The following GLIS3 variants were observed in gnomAD, a reference collection of about 807,000 sequenced individuals.
GLIS3 encodes zinc finger protein GLIS3.
GLIS3 carries 53 observed loss-of-function variants against 78.6 expected under a neutral mutation model. The ratio of observed to expected loss-of-function variants is 0.67; its 90% CI spans 0.54 to 0.85. GLIS3 has a LOEUF of 0.85. GLIS3 is among the 40% of genes least tolerant of loss of function. The pLI is 0.00. For synonymous variants in GLIS3, 684 were observed against 509.9 expected (o/e 1.34, Z -4.60); for missense variants, 1,703 against 1,231.1 (o/e 1.38, Z -5.74).
intron 2 of GLIS3, among the ~76,000 whole-genome samples, chr9:4,221,596 C>T (rs1448114896): frequency 6.6e-6 from 1 of 151,794 alleles, no homozygotes; most frequent in Admixed American, 6.6e-5. Flanking sequence ...TTTCAAGTCC[C>T]CCCTTTAATA....
chr9:4,061,220 C>A (rs149134321), intron 4 of GLIS3, among the ~76,000 whole-genome samples: 256 of 131,498 alleles, frequency 1.9e-3, no homozygotes, highest in Middle Eastern at 4.4e-3. Flanking sequence ...CCCCCCTCCC[C>A]CCACCCCATG....
At chr9:4,344,034 T>C (rs1817871161) in intron 2 of GLIS3, among the ~76,000 whole-genome samples, 2 of 152,188 alleles carry the variant, frequency 1.3e-5, no homozygotes, top group South Asian at 2.1e-4. Context: ...TTGACTCATA[T>C]AACAAACCTG....
Position 4,171,231 on chromosome 9 carries a change from A to G in GLIS3, c.389-45290T>C, listed in dbSNP as rs577303499. 1.8e-4 allele frequency among the ~76,000 whole-genome samples: 28 copies of G among 152,338 alleles called. 1 individual carries two copies. The South Asian group carries it at 5.4e-3, about 29-fold the overall frequency. ...TATACATATAAGTACACTCTTCACC[A>G]TAACAGTATAAAGATAAAAGGTTCT... On this transcript the variant is annotated intron_variant, in intron 2 of 10. Transcript: ENST00000381971.
chr9:4,362,765 C>G, the GLIS3 span, among the ~76,000 whole-genome samples: 1 of 152,186 alleles, frequency 6.6e-6, no homozygotes, highest in Non-Finnish European at 1.5e-5. Flanking sequence ...TGCATCATTT[C>G]ATTCCACAAA....
the GLIS3 span, among the ~76,000 whole-genome samples, chr9:4,440,321 T>C: frequency 6.6e-6 from 1 of 152,242 alleles, no homozygotes; most frequent in Non-Finnish European, 1.5e-5. Context: ...TTTCATCATT[T>C]GGGGTCTTAG....
intron 6 of GLIS3, among the ~76,000 whole-genome samples, chr9:3,927,660 A>C (rs193245586): frequency 1.9e-4 from 29 of 152,286 alleles, no homozygotes; most frequent in African/African-American, 6.5e-4. Flanking sequence ...AAAGGAAGAG[A>C]AGCTTATTCT....
At chr9:3,903,796 G>C (rs1445216861) in intron 6 of GLIS3, among the ~76,000 whole-genome samples, 1 of 152,196 alleles carries the variant, frequency 6.6e-6, no homozygotes, top group African/African-American at 2.4e-5. Context: ...ATGAGATTGG[G>C]AGTGATAGGG....
chr9:3,890,088 C>G (rs1005497259), intron 7 of GLIS3, among the ~76,000 whole-genome samples: 2 of 152,178 alleles, frequency 1.3e-5, no homozygotes, highest in Admixed American at 1.3e-4. Context: ...AGGGCTACAT[C>G]CCAGCAATAC....
chr9:4,135,839 A>C (rs902860309), intron 2 of GLIS3, among the ~76,000 whole-genome samples: 25 of 152,186 alleles, frequency 1.6e-4, no homozygotes, highest in African/African-American at 6.0e-4. Flanking sequence ...AAATTCTCTC[A>C]CCTTTCATGA....
At position 4,237,733 on chromosome 9, in the gene GLIS3, C is replaced by T. The variant is rs190436699; in HGVS notation, c.388+48305G>A. Among the ~76,000 whole-genome samples the T allele has an allele frequency of 1.0e-3, 154 of 152,240 alleles. 1 individual carries two copies. The highest frequency in any genetic ancestry group is 3.6e-3 in the African/African-American group (150 of 41,552). On this transcript the variant is annotated intron_variant, in intron 2 of 10. Transcript: ENST00000381971. ...CATGCCTTTTGTTTTGCAGTATTTT[C>T]CCCACTGTTTCATTTGAGATTAACT...
At chr9:4,335,254 CAAATT>C (rs1439614007) in intron 2 of GLIS3, among the ~76,000 whole-genome samples, 2 of 152,084 alleles carry the variant, frequency 1.3e-5, no homozygotes, top group African/African-American at 2.4e-5. Flanking sequence ...ATAATTGAAA[CAAATT>C]AGAAGCATAA....
chr9:4,463,620 C>CTT, the GLIS3 span, among the ~76,000 whole-genome samples: 4 of 152,164 alleles, frequency 2.6e-5, no homozygotes, highest in African/African-American at 9.7e-5. Context: ...TAGGAGAATA[C>CTT]ACTTATTTTA....
At chr9:3,907,061 C>A (rs926365834) in intron 6 of GLIS3, among the ~76,000 whole-genome samples, 2 of 152,088 alleles carry the variant, frequency 1.3e-5, no homozygotes, top group Non-Finnish European at 2.9e-5. Context: ...GCAGAATCCA[C>A]TTTCAACACT....
At chr9:4,405,245 T>A in the GLIS3 span, among the ~76,000 whole-genome samples, 1 of 151,684 alleles carries the variant, frequency 6.6e-6, no homozygotes, top group Admixed American at 6.6e-5. Context: ...TCCCAGCTAC[T>A]CAGGAGGCTG....
chr9:4,140,700 T>C (rs912475440), intron 2 of GLIS3, among the ~76,000 whole-genome samples: 1 of 152,116 alleles, frequency 6.6e-6, no homozygotes, highest in Non-Finnish European at 1.5e-5. Flanking sequence ...AGCTCATGTT[T>C]ATGGCAAGAA....
the GLIS3 span, among the ~76,000 whole-genome samples, chr9:4,402,958 A>G: frequency 1.3e-5 from 2 of 152,334 alleles, no homozygotes; most frequent in African/African-American, 4.8e-5. Context: ...ACATTCAAGT[A>G]TGAGAAGGTT....
intron 2 of GLIS3, among the ~76,000 whole-genome samples, chr9:4,278,579 A>C (rs755637022): frequency 3.9e-5 from 6 of 152,238 alleles, no homozygotes; most frequent in Admixed American, 1.3e-4. Context: ...ATTCACAAAA[A>C]GAGAAGGGAG....
intron 4 of GLIS3, among the ~76,000 whole-genome samples, chr9:3,940,605 T>C (rs1210020886): frequency 6.6e-6 from 1 of 151,464 alleles, no homozygotes; most frequent in Non-Finnish European, 1.5e-5. Context: ...TTGCCCGAGG[T>C]TCAAAAACAG....
intron 9 of GLIS3, among the ~76,000 whole-genome samples, chr9:3,838,929 G>T (rs10973737): frequency 0.13 from 19,755 of 152,064 alleles, 1,332 homozygotes; most frequent in South Asian, 0.24. Context: ...AGATAACGTT[G>T]CTGAAAAAGC....
Sources: gnomAD v4.1 joint callset for allele counts (sites outside exome capture counted in the v4.1 genomes callset) on GRCh38, gnomAD v4.1.1 for gene constraint, MANE v1.5 for transcripts, NCBI Gene and HGNC (gene_info 2026-07-23, HGNC 2026-07-21) for gene names.